PCDH11X: variants seen among roughly 807,000 people sequenced by gnomAD.
PCDH11X encodes the protein protocadherin-11 X-linked.
A neutral mutation model predicts 53.3 loss-of-function variants in PCDH11X; 18 were observed. That is an observed-to-expected ratio of 0.34 (90% CI 0.23 to 0.50). The LOEUF is 0.50. Among genes scored for constraint, PCDH11X ranks in the 20% least tolerant of loss-of-function variants. The pLI is 0.98. For missense variants in PCDH11X, 570 were observed against 1,032.4 expected (o/e 0.55, Z 6.14); for synonymous variants, 279 against 393.3 (o/e 0.71, Z 3.44).
At chrX:92,386,168 AAAG>A (rs2071008066) in intron 8 of PCDH11X, among the ~76,000 whole-genome samples, 1 of 111,196 alleles carries the variant, frequency 9.0e-6, no homozygotes. Context: ...GCTAAAAACT[AAAG>A]AAGATTCAAG....
intron 9 of PCDH11X, among the ~76,000 whole-genome samples, chrX:92,415,962 A>G (rs1386733118): frequency 2.7e-5 from 3 of 111,922 alleles, no homozygotes; most frequent in East Asian, 5.6e-4. Context: ...TTCACTTTGT[A>G]TGATTGGAAA....
intron 10 of PCDH11X, among the ~76,000 whole-genome samples, chrX:92,546,792 C>T (rs1302747261): frequency 1.8e-5 from 2 of 111,680 alleles, no homozygotes; most frequent in African/African-American, 6.5e-5. Context: ...AGTATATTCC[C>T]TTTAACTTAA....
chrX:92,502,022 C>T (rs1406073607), intron 10 of PCDH11X, among the ~76,000 whole-genome samples: 4 of 110,984 alleles, frequency 3.6e-5, no homozygotes, highest in Non-Finnish European at 7.5e-5. Flanking sequence ...TCAGCAAAGT[C>T]TCAAGATATA....
chrX:92,084,550 A>C (rs1442673228), intron 6 of PCDH11X, among the ~76,000 whole-genome samples: 2 of 110,696 alleles, frequency 1.8e-5, no homozygotes, highest in Admixed American at 1.9e-4. Flanking sequence ...AAAAAAAAAA[A>C]AAAAGAAATA....
intron 6 of PCDH11X, among the ~76,000 whole-genome samples, chrX:92,082,095 A>G (rs1385916639): frequency 9.0e-6 from 1 of 111,623 alleles, no homozygotes; most frequent in Non-Finnish European, 1.9e-5. Context: ...CAAATCCATT[A>G]TGTGGCAAAG....
intron 7 of PCDH11X, among the ~76,000 whole-genome samples, chrX:92,222,044 G>T (rs1167668122): frequency 1.8e-5 from 2 of 111,066 alleles, no homozygotes; most frequent in Non-Finnish European, 3.8e-5. Flanking sequence ...ATGTTGGTCA[G>T]GCTGGTCTTG....
intron 8 of PCDH11X, among the ~76,000 whole-genome samples, chrX:92,318,245 T>A (rs998117582): frequency 2.7e-5 from 3 of 111,699 alleles, no homozygotes; most frequent in African/African-American, 9.8e-5. Context: ...AAAATTACTC[T>A]GTTTTTATCC....
intron 8 of PCDH11X, among the ~76,000 whole-genome samples, chrX:92,330,281 G>A (rs1163785314): frequency 2.7e-5 from 3 of 111,192 alleles, no homozygotes; most frequent in Non-Finnish European, 5.7e-5. Context: ...AATTAAAAAT[G>A]GTAAAAGAAC....
intron 4 of PCDH11X, among the ~76,000 whole-genome samples, chrX:91,830,415 T>A: frequency 9.0e-6 from 1 of 111,636 alleles, no homozygotes; most frequent in East Asian, 2.8e-4. Context: ...ATTAAATTTT[T>A]TATTTTGACA....
At chrX:92,383,569 T>C (rs1354318482) in intron 8 of PCDH11X, among the ~76,000 whole-genome samples, 2 of 110,845 alleles carry the variant, frequency 1.8e-5, no homozygotes, top group Non-Finnish European at 3.8e-5. Context: ...AGTGACAACA[T>C]GCAGTGTTTG....
At chrX:92,197,121 A>T (rs2066305162) in intron 6 of PCDH11X, among the ~76,000 whole-genome samples, 1 of 111,652 alleles carries the variant, frequency 9.0e-6, no homozygotes, top group Non-Finnish European at 1.9e-5. Flanking sequence ...CCAGACGTAG[A>T]TTCCAAAGCC....
chrX:92,460,800 C>T (rs1433145829), intron 9 of PCDH11X: 10 of 1,144,840 alleles, frequency 8.7e-6, no homozygotes, highest in Non-Finnish European at 1.2e-5. Context: ...CGCCACCTAC[C>T]GCCGCCTGCT....
At chrX:92,505,726 T>C (rs2074045542) in intron 10 of PCDH11X, among the ~76,000 whole-genome samples, 1 of 111,368 alleles carries the variant, frequency 9.0e-6, no homozygotes, top group South Asian at 3.7e-4. Context: ...TTTTTTGTTT[T>C]CTAATTCTGT....
At chrX:92,177,903 G>A (rs183906933) in intron 6 of PCDH11X, among the ~76,000 whole-genome samples, 2,201 of 110,335 alleles carry the variant, frequency 0.02, 49 homozygotes, top group African/African-American at 0.069. Flanking sequence ...ACACAATTTG[G>A]AAAATGTTCT....
chrX:92,474,076 T>C (rs1047706758), intron 10 of PCDH11X, among the ~76,000 whole-genome samples: 1 of 111,199 alleles, frequency 9.0e-6, no homozygotes, highest in Admixed American at 9.6e-5. Context: ...TATTACTGTA[T>C]TGGGGCCTAT....
In PCDH11X at chrX:92,260,697, C is replaced by T. The variant is rs778475121; in HGVS notation, c.3115-2417C>T. ...TTGCTCTGCCTCCACTCTCTCATTA[C>T]TTATTTTGGACATTACATTCTGTCC... is the stretch of plus-strand genomic sequence containing the variant. On this transcript the variant is annotated intron_variant, in intron 7 of 10. Coordinates refer to ENST00000682573, the MANE Select transcript of PCDH11X (RefSeq NM_032968.5). 3.6e-5 allele frequency among the ~76,000 whole-genome samples: 4 copies of T among 111,308 alleles called. No individual in the cohort carries two copies. In the East Asian group the frequency reaches 1.1e-3, roughly 32 times the overall value.
At chrX:92,559,560 G>A (rs2075102580) in intron 10 of PCDH11X, among the ~76,000 whole-genome samples, 1 of 111,455 alleles carries the variant, frequency 9.0e-6, no homozygotes, top group East Asian at 2.8e-4. Context: ...GAGGGGAGAA[G>A]AGACAGTCTT....
chrX:92,071,490 C>G (rs1179188530), intron 6 of PCDH11X, among the ~76,000 whole-genome samples: 1 of 111,659 alleles, frequency 9.0e-6, no homozygotes, highest in Non-Finnish European at 1.9e-5. Flanking sequence ...GGTGATGTCA[C>G]ATTTTCCTGG....
intron 6 of PCDH11X, among the ~76,000 whole-genome samples, chrX:92,120,155 C>CTTTTTTTTTTTTT (rs764997941): frequency 1.6e-5 from 1 of 60,690 alleles, no homozygotes. Flanking sequence ...ACTTTTCTTT[C>CTTTTTTTTTTTTT]TTTTTTTTTT....
Sources: gnomAD v4.1 joint callset for allele counts (sites outside exome capture counted in the v4.1 genomes callset) on GRCh38, gnomAD v4.1.1 for gene constraint, MANE v1.5 for transcripts, NCBI Gene and HGNC (gene_info 2026-07-23, HGNC 2026-07-21) for gene names.